Variants in MAF observed in about 807,000 individuals in gnomAD.
The protein encoded by MAF is MAF bZIP transcription factor, also known as transcription factor Maf.
MAF carries 10 observed loss-of-function variants against 22.0 expected under a neutral mutation model. The observed-to-expected ratio is 0.45, with a 90% CI of 0.28 to 0.77. The LOEUF is 0.77. MAF is among the 30% of genes least tolerant of loss of function. The pLI is 0.12. For synonymous variants in MAF, 337 were observed against 255.8 expected (o/e 1.32, Z -3.03); for missense variants, 544 against 548.4 (o/e 0.99, Z 0.08).
chr16:79,262,716 C>G, the MAF span, among the ~76,000 whole-genome samples: 3 of 152,188 alleles, frequency 2.0e-5, no homozygotes, highest in African/African-American at 7.2e-5. Context: ...GCAGGATGCT[C>G]TAGGGAAGGA....
At chr16:79,246,430 G>C in the MAF span, among the ~76,000 whole-genome samples, 3 of 150,788 alleles carry the variant, frequency 2.0e-5, no homozygotes, top group Non-Finnish European at 2.9e-5. Context: ...CATGGGCCTT[G>C]ATTCTGAAAA....
chr16:79,309,351 C>T, the MAF span, among the ~76,000 whole-genome samples: 24 of 152,266 alleles, frequency 1.6e-4, 1 homozygote, highest in African/African-American at 4.8e-4. Context: ...ACCATTTTGT[C>T]GGGTTTGCAG....
downstream of MAF, among the ~76,000 whole-genome samples, chr16:79,589,872 G>A (rs907267528): frequency 6.6e-6 from 1 of 152,210 alleles, no homozygotes; most frequent in Admixed American, 6.5e-5. Context: ...GGCGCCGGGC[G>A]GCGTCGTGGG....
At chr16:79,319,649 C>T in the MAF span, among the ~76,000 whole-genome samples, 30 of 152,168 alleles carry the variant, frequency 2.0e-4, no homozygotes, top group African/African-American at 5.6e-4. Context: ...AACTATTCTA[C>T]TTATTTCTCC....
chr16:79,538,871 AAAAGAAAGAAAGAAAGAAAG>A, the MAF span, among the ~76,000 whole-genome samples: 6 of 104,254 alleles, frequency 5.8e-5, no homozygotes, highest in Non-Finnish European at 1.3e-4. Flanking sequence ...AAAAGAAAAG[AAAAGAAAGAAAGAAAGAAAG>A]AAAGAAAGAA....
chr16:79,512,830 G>T, the MAF span, among the ~76,000 whole-genome samples: 4 of 152,160 alleles, frequency 2.6e-5, no homozygotes, highest in African/African-American at 2.4e-5. Flanking sequence ...TTCCAGGATG[G>T]GTCTCGCAGA....
chr16:79,525,574 C>G, the MAF span, among the ~76,000 whole-genome samples: 1 of 152,146 alleles, frequency 6.6e-6, no homozygotes, highest in African/African-American at 2.4e-5. Flanking sequence ...CCCTTAAGAT[C>G]CCCTTCAAGT....
chr16:79,558,264 T>C, the MAF span, among the ~76,000 whole-genome samples: 2 of 151,610 alleles, frequency 1.3e-5, no homozygotes, highest in Non-Finnish European at 2.9e-5. Flanking sequence ...GTTGAAAAAG[T>C]GAATTGGAAA....
At chr16:79,437,230 A>T in the MAF span, among the ~76,000 whole-genome samples, 44 of 152,058 alleles carry the variant, frequency 2.9e-4, no homozygotes, top group Non-Finnish European at 3.5e-4. Flanking sequence ...CTGTAAGGAA[A>T]CCAAATGGAC....
chr16:79,593,672 C>T (rs1046828903), downstream of MAF, among the ~76,000 whole-genome samples: 10 of 152,060 alleles, frequency 6.6e-5, no homozygotes, highest in African/African-American at 2.4e-4. Flanking sequence ...GAATGTCTGC[C>T]TATTTGATGT....
At chr16:79,543,609 C>T in the MAF span, among the ~76,000 whole-genome samples, 2 of 152,098 alleles carry the variant, frequency 1.3e-5, no homozygotes, top group African/African-American at 2.4e-5. Context: ...TATGGTGCTC[C>T]TCAACGGTGG....
the MAF span, among the ~76,000 whole-genome samples, chr16:79,334,431 G>T: frequency 2.6e-5 from 4 of 152,180 alleles, no homozygotes; most frequent in African/African-American, 4.8e-5. Context: ...CCTCTAGGGG[G>T]CGCTGACTGA....
chr16:79,310,102 T>C, the MAF span, among the ~76,000 whole-genome samples: 5 of 151,794 alleles, frequency 3.3e-5, no homozygotes, highest in Admixed American at 3.3e-4. Flanking sequence ...CGTGAGCATT[T>C]CCCCCCCGAT....
the MAF span, among the ~76,000 whole-genome samples, chr16:79,554,052 G>C: frequency 6.6e-6 from 1 of 152,046 alleles, no homozygotes; most frequent in East Asian, 1.9e-4. Flanking sequence ...TCATGCCACT[G>C]GACTCCATGC....
the MAF span, among the ~76,000 whole-genome samples, chr16:79,496,394 C>G: frequency 6.6e-6 from 1 of 152,200 alleles, no homozygotes; most frequent in Non-Finnish European, 1.5e-5. Context: ...CTGGCATTGA[C>G]TAGCAAAATC....
chr16:79,456,956 A>G, the MAF span, among the ~76,000 whole-genome samples: 2 of 152,032 alleles, frequency 1.3e-5, no homozygotes, highest in African/African-American at 4.8e-5. Flanking sequence ...ACACACACAC[A>G]CACCCTTGGA....
the MAF span, among the ~76,000 whole-genome samples, chr16:79,555,754 T>A: frequency 6.6e-6 from 1 of 152,144 alleles, no homozygotes; most frequent in Admixed American, 6.5e-5. Flanking sequence ...AAACTCTAAA[T>A]CCAAGACACT....
the MAF span, among the ~76,000 whole-genome samples, chr16:79,503,786 T>G: frequency 3.9e-5 from 6 of 152,224 alleles, no homozygotes; most frequent in Non-Finnish European, 7.3e-5. Context: ...TGGTCCGTGT[T>G]TCTGCCTTAT....
At chr16:79,257,196 A>T in the MAF span, among the ~76,000 whole-genome samples, 4 of 151,908 alleles carry the variant, frequency 2.6e-5, no homozygotes, top group Non-Finnish European at 4.4e-5. Context: ...AATAAAAATT[A>T]AAAAAAAGAA....
Sources: gnomAD v4.1 joint callset for allele counts (sites outside exome capture counted in the v4.1 genomes callset) on GRCh38, gnomAD v4.1.1 for gene constraint, MANE v1.5 for transcripts, NCBI Gene and HGNC (gene_info 2026-07-23, HGNC 2026-07-21) for gene names.